SLC8A3: variants seen among roughly 807,000 people sequenced by gnomAD.
SLC8A3 encodes sodium/calcium exchanger 3.
Under a neutral mutation model 65.4 loss-of-function variants are expected in SLC8A3, and 37 were observed. The ratio of observed to expected loss-of-function variants is 0.57; its 90% confidence interval spans 0.44 to 0.74. SLC8A3 has a LOEUF of 0.74. SLC8A3 is among the 30% of genes least tolerant of loss of function. SLC8A3 has a pLI of 0.00. For missense variants in SLC8A3, 1,112 were observed against 1,172.1 expected, an observed-to-expected ratio of 0.95 and a Z score of 0.75; for synonymous variants, 461 against 444.5, an observed-to-expected ratio of 1.04 and a Z score of -0.47.
chr14:70,078,371 T>C (rs1316246364), intron 2 of SLC8A3, among the ~76,000 whole-genome samples: 1 of 152,230 alleles, frequency 6.6e-6, no homozygotes, highest in Non-Finnish European at 1.5e-5. Context: ...TACTGTATCA[T>C]TATCTTTGAT....
At chr14:70,142,434 T>C (rs550308853) in intron 2 of SLC8A3, among the ~76,000 whole-genome samples, 1 of 152,346 alleles carries the variant, frequency 6.6e-6, no homozygotes, top group South Asian at 2.1e-4. Context: ...ACAACGTCCA[T>C]ACAACTTTGC....
At chr14:70,146,492 GCTCTTGCTC>G (rs953895706) in intron 2 of SLC8A3, among the ~76,000 whole-genome samples, 1 of 152,100 alleles carries the variant, frequency 6.6e-6, no homozygotes, top group African/African-American at 2.4e-5. Flanking sequence ...AGGAAGCAGA[GCTCTTGCTC>G]CTGACCCTTA....
At chr14:70,187,514 A>G (rs1215152623) in intron 1 of SLC8A3, among the ~76,000 whole-genome samples, 2 of 151,932 alleles carry the variant, frequency 1.3e-5, no homozygotes, top group Non-Finnish European at 2.9e-5. Context: ...TGCTTTCATC[A>G]TCTTTCCCAG....
intron 2 of SLC8A3, among the ~76,000 whole-genome samples, chr14:70,125,381 G>A (rs1894373058): frequency 6.6e-6 from 1 of 151,040 alleles, no homozygotes; most frequent in Admixed American, 6.6e-5. Context: ...CTGTGCCCAT[G>A]CATATGCATT....
intron 2 of SLC8A3, among the ~76,000 whole-genome samples, chr14:70,160,877 C>CAAA (rs3053363): frequency 1.3e-3 from 180 of 133,718 alleles, no homozygotes; most frequent in Middle Eastern, 7.6e-3. Flanking sequence ...AGAAAAGAGA[C>CAAA]AAAAAAAAAA....
intron 2 of SLC8A3, among the ~76,000 whole-genome samples, chr14:70,135,019 A>C (rs1895092347): frequency 6.6e-6 from 1 of 152,242 alleles, no homozygotes; most frequent in African/African-American, 2.4e-5. Flanking sequence ...ATCAGAATAT[A>C]TAAGAAACTC....
intron 2 of SLC8A3, among the ~76,000 whole-genome samples, chr14:70,163,860 T>C (rs1431193258): frequency 6.6e-6 from 1 of 152,150 alleles, no homozygotes; most frequent in Non-Finnish European, 1.5e-5. Context: ...CCCTGGATGA[T>C]TGAGCAACAC....
intron 2 of SLC8A3, among the ~76,000 whole-genome samples, chr14:70,129,882 G>T (rs1273054869): frequency 6.6e-6 from 1 of 152,234 alleles, no homozygotes; most frequent in Non-Finnish European, 1.5e-5. Flanking sequence ...CAATTCAAAA[G>T]ATATTTTCAC....
intron 2 of SLC8A3, among the ~76,000 whole-genome samples, chr14:70,090,888 T>C (rs1478357835): frequency 6.6e-6 from 1 of 152,204 alleles, no homozygotes; most frequent in Non-Finnish European, 1.5e-5. Context: ...CAGGTGCTTC[T>C]TACCAGAAAA....
chr14:70,070,640 A>G (rs1287028713), intron 2 of SLC8A3, among the ~76,000 whole-genome samples: 1 of 152,130 alleles, frequency 6.6e-6, no homozygotes, highest in African/African-American at 2.4e-5. Flanking sequence ...GTGGGTTTCA[A>G]CTCTACCACA....
At chr14:70,152,033 T>A (rs939543371) in intron 2 of SLC8A3, among the ~76,000 whole-genome samples, 8 of 152,172 alleles carry the variant, frequency 5.3e-5, no homozygotes, top group African/African-American at 1.7e-4. Flanking sequence ...AAGGACACTA[T>A]TCAACCCAGT....
intron 2 of SLC8A3, among the ~76,000 whole-genome samples, chr14:70,135,535 T>C (rs1895132762): frequency 6.6e-6 from 1 of 152,134 alleles, no homozygotes; most frequent in African/African-American, 2.4e-5. Context: ...ATGATATACA[T>C]ACAAAATGGA....
At chr14:70,050,434 G>A (rs373494657) in intron 5 of SLC8A3, among the ~76,000 whole-genome samples, 7 of 152,226 alleles carry the variant, frequency 4.6e-5, no homozygotes, top group East Asian at 1.9e-4. Flanking sequence ...GACCTTTTCC[G>A]TCCCTGTTCC....
At chr14:70,132,186 G>A (rs1001666740) in intron 2 of SLC8A3, among the ~76,000 whole-genome samples, 3 of 152,168 alleles carry the variant, frequency 2.0e-5, no homozygotes, top group African/African-American at 7.2e-5. Context: ...TGCCCCTTTT[G>A]GTGGTCACTT....
At chr14:70,114,077 G>A (rs1271463660) in intron 2 of SLC8A3, among the ~76,000 whole-genome samples, 1 of 152,120 alleles carries the variant, frequency 6.6e-6, no homozygotes, top group African/African-American at 2.4e-5. Flanking sequence ...AAGAAAATTT[G>A]TAAACTAAAG....
intron 2 of SLC8A3, among the ~76,000 whole-genome samples, chr14:70,072,055 T>G (rs1890059246): frequency 6.6e-6 from 1 of 152,174 alleles, no homozygotes; most frequent in South Asian, 2.1e-4. Context: ...CTAGGGAAAG[T>G]GTAGGAACAT....
At chr14:70,133,010 AC>A (rs890929526) in intron 2 of SLC8A3, among the ~76,000 whole-genome samples, 2 of 149,084 alleles carry the variant, frequency 1.3e-5, no homozygotes, top group African/African-American at 4.9e-5. Flanking sequence ...CACTCAATAA[AC>A]CCCCCCAAAA....
intron 2 of SLC8A3, among the ~76,000 whole-genome samples, chr14:70,147,376 A>G (rs373994356): frequency 2.0e-5 from 3 of 152,186 alleles, no homozygotes; most frequent in Non-Finnish European, 2.9e-5. Flanking sequence ...GTCAAATAGC[A>G]TGGAAGACAG....
At chr14:70,056,901 G>A (rs557445968) in intron 3 of SLC8A3, among the ~76,000 whole-genome samples, 10 of 152,296 alleles carry the variant, frequency 6.6e-5, no homozygotes, top group African/African-American at 2.4e-4. Context: ...AAGGAAACTT[G>A]TGACACACCA....
Sources: gnomAD v4.1 joint callset for allele counts (sites outside exome capture counted in the v4.1 genomes callset) on GRCh38, gnomAD v4.1.1 for gene constraint, MANE v1.5 for transcripts, NCBI Gene and HGNC (gene_info 2026-07-23, HGNC 2026-07-21) for gene names.